The following SLC13A1 variants were observed in gnomAD, a reference collection of about 807,000 sequenced individuals.
SLC13A1 encodes solute carrier family 13 member 1.
SLC13A1 carries 65 observed loss-of-function variants against 70.0 expected under a neutral mutation model. The ratio of observed to expected loss-of-function variants is 0.93; its 90% CI spans 0.76 to 1.14. The LOEUF is 1.14. Among genes scored for constraint, SLC13A1 ranks in the 50% most tolerant of loss-of-function variants. SLC13A1 has a pLI of 0.00. For missense variants in SLC13A1, 726 were observed against 717.8 expected (o/e 1.01, Z -0.13); for synonymous variants, 275 against 250.5 (o/e 1.10, Z -0.92).
At chr7:123,171,238 C>G (rs550774961) in intron 3 of SLC13A1, among the ~76,000 whole-genome samples, 156 of 152,242 alleles carry the variant, frequency 1.0e-3, no homozygotes, top group Middle Eastern at 3.4e-3. Context: ...ATTTCATACT[C>G]TGTAGATGAA....
intron 2 of SLC13A1, among the ~76,000 whole-genome samples, chr7:123,179,792 A>G (rs922092070): frequency 6.8e-6 from 1 of 146,546 alleles, no homozygotes; most frequent in East Asian, 2.0e-4. Context: ...CTAAACCATA[A>G]CAGACAAAGG....
At chr7:123,154,371 C>T (rs1003200022) in intron 6 of SLC13A1, among the ~76,000 whole-genome samples, 1 of 152,104 alleles carries the variant, frequency 6.6e-6, no homozygotes. Flanking sequence ...TGACCGAATG[C>T]AGAATCCAAT....
At chr7:123,145,220 ATGT>A (rs900319165) in intron 7 of SLC13A1, among the ~76,000 whole-genome samples, 55 of 152,296 alleles carry the variant, frequency 3.6e-4, no homozygotes, top group African/African-American at 1.2e-3. Flanking sequence ...TAATTCAATA[ATGT>A]TGTAAGTTCT....
At chr7:123,184,153 A>G (rs548328202) in intron 1 of SLC13A1, among the ~76,000 whole-genome samples, 2 of 152,144 alleles carry the variant, frequency 1.3e-5, no homozygotes, top group South Asian at 4.1e-4. Context: ...TTTAATTGAC[A>G]TGTAAAATTG....
chr7:123,192,271 A>G (rs1490558301), intron 1 of SLC13A1, among the ~76,000 whole-genome samples: 1 of 152,154 alleles, frequency 6.6e-6, no homozygotes, highest in Non-Finnish European at 1.5e-5. Context: ...AACCACCTCA[A>G]GTGCACAGCT....
chr7:123,133,300 A>C (rs1014041904), intron 8 of SLC13A1, among the ~76,000 whole-genome samples: 8 of 152,114 alleles, frequency 5.3e-5, no homozygotes, highest in African/African-American at 1.9e-4. Context: ...TGTACTTGGT[A>C]TATTGAAAGG....
chr7:123,149,609 C>T (rs1438152807), intron 6 of SLC13A1: 1 of 456,488 alleles, frequency 2.2e-6, no homozygotes, highest in Non-Finnish European at 4.4e-6. Context: ...TTGGTCACCT[C>T]ACTTGCAAGT....
intron 1 of SLC13A1, among the ~76,000 whole-genome samples, chr7:123,189,130 A>AAG (rs1795915982): frequency 6.6e-6 from 1 of 150,402 alleles, no homozygotes; most frequent in Admixed American, 6.6e-5. Context: ...AAAAAAAAAA[A>AAG]AAGAAAGAAA....
At position 123,180,225 on chromosome 7, in the gene SLC13A1, T is replaced by C. The variant is rs78321121; in HGVS notation, c.228+748A>G. On this transcript the variant is annotated intron_variant, in intron 2 of 14. Transcript: ENST00000194130. ...ACCATTCCTTTCACAGGAAGAAATG[T>C]AATCAAGGGTTTGTTAAAAAGAAAA... Among the ~76,000 whole-genome samples, 556 of 152,212 alleles carry C rather than the reference T, an allele frequency of 3.7e-3. 4 individuals are homozygous for C. The highest frequency in any genetic ancestry group is 0.012 in the African/African-American group (510 of 41,552).
chr7:123,148,357 C>T, intron 6 of SLC13A1: 1 of 336,000 alleles, frequency 3.0e-6, no homozygotes, highest in Non-Finnish European at 5.9e-6. Flanking sequence ...ATCTCATTTC[C>T]AACGATTTTC....
At chr7:123,176,926 G>A (rs1795464858) in intron 2 of SLC13A1, among the ~76,000 whole-genome samples, 1 of 152,066 alleles carries the variant, frequency 6.6e-6, no homozygotes, top group South Asian at 2.1e-4. Context: ...CACTCCCTGA[G>A]TGATCTCATC....
At chr7:123,125,031 C>T (rs1243275404) in intron 11 of SLC13A1, among the ~76,000 whole-genome samples, 1 of 152,098 alleles carries the variant, frequency 6.6e-6, no homozygotes, top group African/African-American at 2.4e-5. Context: ...ATCCTCCTGC[C>T]TCAGTCTCCC....
intron 1 of SLC13A1, among the ~76,000 whole-genome samples, chr7:123,197,423 A>G (rs1255290590): frequency 2.0e-5 from 3 of 152,100 alleles, no homozygotes; most frequent in South Asian, 4.1e-4. Flanking sequence ...TGGTAACCTA[A>G]AAGTTAACAG....
chr7:123,141,877 T>G (rs548198322), intron 7 of SLC13A1, among the ~76,000 whole-genome samples: 1 of 152,288 alleles, frequency 6.6e-6, no homozygotes, highest in African/African-American at 2.4e-5. Context: ...TTTTTATCCA[T>G]GTAACCACTC....
chr7:123,129,483 T>C lies in SLC13A1; in HGVS notation c.933-2A>G. 10 of 1,611,222 alleles carry C rather than the reference T, an allele frequency of 6.2e-6. No individual in the cohort carries two copies. Among genetic ancestry groups the C allele is most frequent in the Non-Finnish European group, 8.5e-6 (10 of 1,177,660 alleles). On this transcript the variant is annotated splice_acceptor_variant, in intron 8 of 14. Transcript: ENST00000194130. LOFTEE classifies it high-confidence loss of function. ...CCACATTTGAACATCTCCTTAAAAC[T>C]GCAAAGAATAATTAAGCCTGTAAGC... is the stretch of plus-strand genomic sequence containing the variant.
intron 10 of SLC13A1, among the ~76,000 whole-genome samples, chr7:123,127,145 G>A (rs1249388655): frequency 6.6e-6 from 1 of 151,978 alleles, no homozygotes; most frequent in African/African-American, 2.4e-5. Context: ...AAACTATTAA[G>A]CTTATATAAA....
chr7:123,140,727 C>G (rs984001302), intron 7 of SLC13A1, among the ~76,000 whole-genome samples: 2 of 152,094 alleles, frequency 1.3e-5, no homozygotes, highest in African/African-American at 4.8e-5. Flanking sequence ...TGCTCATAGT[C>G]ACTACTAATG....
intron 10 of SLC13A1, among the ~76,000 whole-genome samples, chr7:123,125,942 G>T (rs927354862): frequency 1.7e-4 from 26 of 151,972 alleles, no homozygotes; most frequent in African/African-American, 6.3e-4. Flanking sequence ...TGACATACTA[G>T]GCCAAAGTGG....
intron 6 of SLC13A1, among the ~76,000 whole-genome samples, chr7:123,161,248 ATATTT>A (rs1263447634): frequency 2.0e-5 from 3 of 150,832 alleles, no homozygotes; most frequent in East Asian, 1.9e-4. Flanking sequence ...CTTAAATAAA[ATATTT>A]TATTTAAATG....
Sources: allele counts gnomAD v4.1 joint callset (sites outside exome capture counted in the v4.1 genomes callset), GRCh38; gene constraint gnomAD v4.1.1; transcripts MANE v1.5; gene names NCBI Gene and HGNC (gene_info 2026-07-23, HGNC 2026-07-21).